Variants in PPP1R17 observed in about 807,000 individuals in gnomAD.
PPP1R17 encodes protein phosphatase 1 regulatory subunit 17.
In PPP1R17, 12 loss-of-function variants were observed where a neutral mutation model predicts 15.9. The ratio of observed to expected loss-of-function variants is 0.75; its 90% CI spans 0.48 to 1.22. The LOEUF is 1.22. Ranked by LOEUF, PPP1R17 falls within the 50% of genes most tolerant of loss-of-function variation. The pLI, the probability that PPP1R17 is intolerant of heterozygous loss-of-function variation, is 0.00. For missense variants in PPP1R17, 211 were observed against 187.3 expected, an observed-to-expected ratio of 1.13 and a Z score of -0.74; for synonymous variants, 63 against 64.5, an observed-to-expected ratio of 0.98 and a Z score of 0.11.
chr7:31,700,847 A>G (rs768469762), intron 4 of PPP1R17, among the ~76,000 whole-genome samples: 4 of 152,168 alleles, frequency 2.6e-5, no homozygotes, highest in Non-Finnish European at 5.9e-5. Context: ...AAAGGCATAC[A>G]TGTTTACAGC....
chr7:31,694,229 C>T (rs1792474161), intron 2 of PPP1R17, among the ~76,000 whole-genome samples: 1 of 152,034 alleles, frequency 6.6e-6, no homozygotes. Context: ...GGAGTTAATA[C>T]AGATACATTT....
chr7:31,695,197 T>C (rs2128240824), intron 2 of PPP1R17, among the ~76,000 whole-genome samples: 1 of 152,328 alleles, frequency 6.6e-6, no homozygotes, highest in African/African-American at 2.4e-5. Flanking sequence ...TGCCGGACCA[T>C]ATTTTTTAAG....
chr7:31,693,327 A>G (rs181675367), intron 2 of PPP1R17, among the ~76,000 whole-genome samples: 37 of 152,334 alleles, frequency 2.4e-4, no homozygotes, highest in Admixed American at 1.6e-3. Context: ...GGCAGTACCC[A>G]TTCAGAGCAG....
rs533091870 is a variant in PPP1R17 at position 31,694,387 on chromosome 7, A to AACACACACACACACACACACACACAC, written c.83-1078_83-1053dup. Among the ~76,000 whole-genome samples the AACACACACACACACACACACACACAC allele has an allele frequency of 1.7e-3, 234 of 141,658 alleles. 1 individual carries two copies. The highest frequency in any genetic ancestry group is 2.3e-3 in the African/African-American group (86 of 38,130). The allele number at this position is 141,658 out of a possible 152,430, so 92.9% of individuals were successfully genotyped here. A position where few individuals can be genotyped will look rare whatever the true frequency, so the allele number is the denominator to read the frequency against. On this transcript the variant is annotated intron_variant, in intron 2 of 4. Coordinates refer to ENST00000342032, the MANE Select transcript of PPP1R17 (RefSeq NM_006658.5). ...ATTTTAGCTCTCTCTCTCTCTCTCA[A>AACACACACACACACACACACACACAC]ACACACACACACACACACACACACA...
chr7:31,702,432 T>C (rs968103872), intron 4 of PPP1R17, among the ~76,000 whole-genome samples: 3 of 152,154 alleles, frequency 2.0e-5, no homozygotes, highest in Admixed American at 2.0e-4. Flanking sequence ...CTACCTAGGT[T>C]AATCCTCTAC....
rs1415480756 is a variant in PPP1R17, at chr7:31,688,557, C to T, written c.-37+1251C>T. ...CCTTTTCTGGCACCCAGTTCCTTCC[C>T]CCTTTCAGTTCCTGTTCTCAAAAGA... On this transcript the variant is annotated intron_variant, in intron 1 of 4. Transcript: ENST00000342032. Among the ~76,000 whole-genome samples, 3 of 152,230 alleles carry T rather than the reference C, an allele frequency of 2.0e-5. No homozygotes were observed. The East Asian group carries it at 5.8e-4, about 29-fold the overall frequency.
intron 2 of PPP1R17, 52 bp downstream of exon 2, chr7:31,692,575 G>T (rs373009530): frequency 7.9e-6 from 12 of 1,514,996 alleles, no homozygotes; most frequent in Admixed American, 1.7e-5. Context: ...GAGAAGAGGC[G>T]TCTCAGCCAT....
chr7:31,690,126 C>A lies in PPP1R17; in HGVS notation c.-36-2280C>A, dbSNP rs370298031. Among the ~76,000 whole-genome samples, 8 of 152,336 alleles carry A rather than the reference C, an allele frequency of 5.3e-5. No homozygotes were observed. In the South Asian group the frequency reaches 1.0e-3, roughly 20 times the overall value. Reference sequence around the variant, plus strand: ...TTCTAGACTGGTGCTGCCATAGCTGCTTTGCTCAGAGGAGGCCTGGACCTC... The same window carrying A: ...TTCTAGACTGGTGCTGCCATAGCTGATTTGCTCAGAGGAGGCCTGGACCTC... On this transcript the variant is annotated intron_variant, in intron 1 of 4. Coordinates refer to ENST00000342032, the MANE Select transcript of PPP1R17 (RefSeq NM_006658.5).
At position 31,696,972 on chromosome 7, in the gene PPP1R17, T is replaced by C; in HGVS notation, c.243T>C (p.Phe81=). The change falls in exon 4 of 5, where the codon TTT becomes TTC. Residue 81 remains phenylalanine, a synonymous_variant. Coordinates refer to ENST00000342032, the MANE Select transcript of PPP1R17 (RefSeq NM_006658.5). The stretch of plus-strand genomic sequence containing the variant: ...GTTCCCCTAACCATGCAGGTGTGTT[T>C]TCAGAACATTTAATTAAAAGATACG... ...LHIPPFIPGV[F]SEHLIKRYDV... 6.2e-7 allele frequency: 1 copy of C among 1,614,038 alleles called. No individual in the cohort carries two copies. The highest frequency in any genetic ancestry group is 8.5e-7 in the Non-Finnish European group (1 of 1,179,964).
rs188648935 is a variant in PPP1R17, at chr7:31,707,055, C to T, written c.389-149C>T. ...AAGCCTAGATAGAGCCACCCAGCTC[C>T]TTCTCTGGGTTGGTACTGTTAGCAG... On this transcript the variant is annotated intron_variant, in intron 4 of 4. Transcript: ENST00000342032. 78 of 610,622 alleles carry T rather than the reference C, an allele frequency of 1.3e-4. No homozygotes were observed. In the African/African-American group the frequency reaches 1.4e-3, roughly 11 times the overall value. 37.8% of individuals were successfully genotyped at this position (610,622 alleles called of 1,614,324 possible). A position where few individuals can be genotyped will look rare whatever the true frequency, so the allele number is the denominator to read the frequency against.
intron 4 of PPP1R17, among the ~76,000 whole-genome samples, chr7:31,705,458 C>T (rs113739974): frequency 6.0e-5 from 9 of 148,942 alleles, no homozygotes; most frequent in East Asian, 2.2e-4. Context: ...AGCTGGTGTA[C>T]GAGAAATATC....
intron 4 of PPP1R17, among the ~76,000 whole-genome samples, chr7:31,703,249 G>A (rs1792928260): frequency 6.6e-6 from 1 of 152,152 alleles, no homozygotes; most frequent in African/African-American, 2.4e-5. Flanking sequence ...CATTTCTGAA[G>A]GTGAGGATTG....
chr7:31,695,127 C>T (rs574587943), intron 2 of PPP1R17, among the ~76,000 whole-genome samples: 9 of 142,642 alleles, frequency 6.3e-5, no homozygotes, highest in South Asian at 2.2e-4. Flanking sequence ...AATGGAGGCG[C>T]GTTTAGCAGA....
rs769620612 is a variant in PPP1R17 at position 31,692,406 on chromosome 7, T to C, written c.-36T>C. 6.2e-5 allele frequency: 93 copies of C among 1,504,042 alleles called. No homozygotes were observed. Among genetic ancestry groups the C allele is most frequent in the Non-Finnish European group, 8.2e-5 (89 of 1,081,492 alleles). 93.2% of individuals were successfully genotyped at this position (1,504,042 alleles called of 1,614,324 possible). A position where few individuals can be genotyped will look rare whatever the true frequency, so the allele number is the denominator to read the frequency against. ...TTAACTGTTTTTTATACTTCCTTAG[T>C]GCTGGAGAAGAAATACATCCACCCA... On this transcript the variant is annotated splice_region_variant and 5_prime_UTR_variant, in exon 2 of 5. Coordinates refer to ENST00000342032, the MANE Select transcript of PPP1R17 (RefSeq NM_006658.5).
At chr7:31,688,220 C>T (rs1299982575) in intron 1 of PPP1R17, among the ~76,000 whole-genome samples, 2 of 152,150 alleles carry the variant, frequency 1.3e-5, no homozygotes, top group African/African-American at 2.4e-5. Flanking sequence ...CCACTATCTT[C>T]CCCCATTTAA....
At chr7:31,701,782 C>A (rs920541653) in intron 4 of PPP1R17, among the ~76,000 whole-genome samples, 2 of 152,236 alleles carry the variant, frequency 1.3e-5, no homozygotes. Context: ...TCAGTGAAGA[C>A]TCAGATAATC....
At chr7:31,704,799 T>A (rs1349353889) in intron 4 of PPP1R17, among the ~76,000 whole-genome samples, 1 of 152,178 alleles carries the variant, frequency 6.6e-6, no homozygotes, top group African/African-American at 2.4e-5. Context: ...AGGCAAAGCT[T>A]TCTGGCTTCA....
At chr7:31,704,096 A>G (rs1274929840) in intron 4 of PPP1R17, among the ~76,000 whole-genome samples, 1 of 152,240 alleles carries the variant, frequency 6.6e-6, no homozygotes, top group African/African-American at 2.4e-5. Context: ...GAAGCATCAA[A>G]GAGAATCCTC....
chr7:31,700,308 G>A (rs1346020806), intron 4 of PPP1R17, among the ~76,000 whole-genome samples: 1 of 152,148 alleles, frequency 6.6e-6, no homozygotes, highest in Non-Finnish European at 1.5e-5. Flanking sequence ...CAGTGGTCTG[G>A]ATAGATTACA....
Sources: gnomAD v4.1 joint callset for allele counts (sites outside exome capture counted in the v4.1 genomes callset) on GRCh38, gnomAD v4.1.1 for gene constraint, MANE v1.5 for transcripts, NCBI Gene and HGNC (gene_info 2026-07-23, HGNC 2026-07-21) for gene names.